Variants in SRPRB observed in about 807,000 individuals in gnomAD.
The protein encoded by SRPRB is SRP receptor subunit beta.
In SRPRB, 20 loss-of-function variants were observed where a neutral mutation model predicts 31.9. That is an observed-to-expected ratio of 0.63 (90% CI 0.44 to 0.91). SRPRB has a LOEUF of 0.91. SRPRB is among the 40% of genes least tolerant of loss of function. The probability of loss-of-function intolerance (pLI) is 0.00; values close to 1 mark genes in which losing one functional copy is unlikely to be tolerated. For synonymous variants in SRPRB, 146 were observed against 132.8 expected (o/e 1.10, Z -0.68); for missense variants, 321 against 324.9 (o/e 0.99, Z 0.09).
downstream of SRPRB, chr3:133,825,968 T>TAACA (rs1184995367): frequency 2.0e-5 from 3 of 152,228 alleles, no homozygotes; most frequent in African/African-American, 7.2e-5. Flanking sequence ...CAAGAGCACC[T>TAACA]AACAGTTTAT....
chr3:133,818,582 AC>A lies in SRPRB; in HGVS notation c.603-970del, dbSNP rs796510520. On this transcript the variant is annotated intron_variant, in intron 6 of 6. Coordinates refer to ENST00000678299, the MANE Select transcript of SRPRB (RefSeq NM_001379313.1). Reference sequence around the variant, plus strand: ...GTGGCAAAAGCTGAATACATGTTTTACTTTTTTCCTTAAAAAATTTTTATTG... The same window carrying A: ...GTGGCAAAAGCTGAATACATGTTTTATTTTTTCCTTAAAAAATTTTTATTG... Among the ~76,000 whole-genome samples, 9 of 93,634 alleles carry A rather than the reference AC, an allele frequency of 9.6e-5. No homozygotes were observed. The South Asian group carries it at 2.7e-3, about 28-fold the overall frequency. 61.4% of individuals were successfully genotyped at this position (93,634 alleles called of 152,430 possible).
chr3:133,800,361 G>C (rs1935043408), intron 1 of SRPRB, among the ~76,000 whole-genome samples: 2 of 152,230 alleles, frequency 1.3e-5, no homozygotes, highest in Non-Finnish European at 2.9e-5. Flanking sequence ...CAAAGTATCA[G>C]AGCTGAATAA....
At chr3:133,817,611 T>C (rs968771586) in intron 6 of SRPRB, among the ~76,000 whole-genome samples, 1 of 152,226 alleles carries the variant, frequency 6.6e-6, no homozygotes, top group African/African-American at 2.4e-5. Context: ...AAAGCTGGTG[T>C]AGAAGAAATG....
At chr3:133,793,291 C>T (rs1198957000) in intron 1 of SRPRB, 1 of 152,064 alleles carries the variant, frequency 6.6e-6, no homozygotes, top group Non-Finnish European at 1.5e-5. Flanking sequence ...AAATGAATGA[C>T]TATGGTAACC....
chr3:133,825,475 G>C (rs1442539729), downstream of SRPRB: 1 of 152,226 alleles, frequency 6.6e-6, no homozygotes, highest in Non-Finnish European at 1.5e-5. Flanking sequence ...AGAGAGCAGC[G>C]ATAGATAGCA....
chr3:133,795,328 T>C (rs1353199153), intron 1 of SRPRB: 1 of 152,180 alleles, frequency 6.6e-6, no homozygotes, highest in Non-Finnish European at 1.5e-5. Flanking sequence ...GTCTCCCTGG[T>C]GTGCTGTATT....
upstream of SRPRB, among the ~76,000 whole-genome samples, chr3:133,802,264 C>T (rs1935073868): frequency 6.6e-6 from 1 of 151,968 alleles, no homozygotes; most frequent in Non-Finnish European, 1.5e-5. Flanking sequence ...AAAAAAACTA[C>T]CTGGGCATGG....
At chr3:133,788,447 TCA>T (rs2107949222) in intron 1 of SRPRB, 1 of 152,372 alleles carries the variant, frequency 6.6e-6, no homozygotes, top group East Asian at 1.9e-4. Flanking sequence ...GAGCGTACTT[TCA>T]TTTCATAAAT....
rs764758859 is a variant in SRPRB, at chr3:133,807,756, G to A, written c.260G>A (p.Gly87Asp). The A allele has an allele frequency of 6.2e-7, 1 of 1,611,628 alleles. No individual in the cohort carries two copies. Among genetic ancestry groups the A allele is most frequent in the African/African-American group, 1.3e-5 (1 of 74,772 alleles). ...TTGTTTTTTTTACAGTTGTTAACAG[G>A]CCTTTATAGAGACACTCAGACGTCC... Reference protein sequence around the residue: ...KTLLFVRLLTGLYRDTQTSIT... With the variant: ...KTLLFVRLLTDLYRDTQTSIT... Residue 87 changes from glycine (G) to aspartate (D), a missense_variant, in exon 3 of 7, where the codon GGC becomes GAC. Physicochemically the swap from Gly to Asp is moderately conservative, Grantham distance 94 (BLOSUM62 -1). Transcript: ENST00000678299.
intron 1 of SRPRB, 41 bp from the exon 2 acceptor site, chr3:133,806,568 C>T: frequency 2.6e-6 from 4 of 1,543,144 alleles, no homozygotes; most frequent in Non-Finnish European, 3.6e-6. Context: ...TACTGATTCC[C>T]AAGGCGTAAT....
chr3:133,786,194 C>A (rs1934676384), intron 1 of SRPRB: 1 of 40,254 alleles, frequency 2.5e-5, no homozygotes, highest in African/African-American at 7.8e-5. Context: ...GTGAGAAACA[C>A]CCAAGAATTA....
chr3:133,798,227 C>G (rs1300608749), intron 1 of SRPRB, among the ~76,000 whole-genome samples: 1 of 152,146 alleles, frequency 6.6e-6, no homozygotes, highest in Non-Finnish European at 1.5e-5. Flanking sequence ...TATATCAGGA[C>G]TTGCTCATTA....
intron 4 of SRPRB, 30 bp from the exon 5 acceptor site, chr3:133,815,560 A>T (rs1345520964): frequency 6.2e-6 from 10 of 1,611,808 alleles, no homozygotes; most frequent in Non-Finnish European, 6.8e-6. Context: ...ACACGTTCAC[A>T]TGCCAGTTTT....
chr3:133,818,482 G>A (rs918445304), intron 6 of SRPRB, among the ~76,000 whole-genome samples: 49 of 152,158 alleles, frequency 3.2e-4, no homozygotes, highest in African/African-American at 1.1e-3. Flanking sequence ...TCAGATTTAT[G>A]AGAATTAGGC....
At chr3:133,789,114 A>C (rs1481235527) in intron 1 of SRPRB, 2 of 152,410 alleles carry the variant, frequency 1.3e-5, no homozygotes, top group African/African-American at 4.8e-5. Context: ...GGGATTCCCC[A>C]GGGGATCCTC....
chr3:133,795,937 C>T (rs58728934), intron 1 of SRPRB: 6,690 of 152,138 alleles, frequency 0.044, 471 homozygotes, highest in African/African-American at 0.15. Context: ...TGAGCCCATG[C>T]GCCAGGCCCC....
chr3:133,818,784 C>CTGTGTG (rs1559893592), intron 6 of SRPRB, among the ~76,000 whole-genome samples: 1 of 85,108 alleles, frequency 1.2e-5, no homozygotes, highest in Non-Finnish European at 2.4e-5. Flanking sequence ...AATACTTTTA[C>CTGTGTG]AGTGTGTGTG....
At chr3:133,817,074 A>G (rs111380160) in intron 6 of SRPRB, 142 bp downstream of exon 6, 14 of 594,198 alleles carry the variant, frequency 2.4e-5, no homozygotes, top group African/African-American at 2.3e-4. Flanking sequence ...TTTGTTAAAT[A>G]ATTTACAAAA....
upstream of SRPRB, among the ~76,000 whole-genome samples, chr3:133,805,129 C>T (rs12490148): frequency 0.29 from 44,682 of 152,090 alleles, 7,232 homozygotes; most frequent in East Asian, 0.46. Flanking sequence ...AGAAATACCT[C>T]CTGCAGTTTT....
Sources: gnomAD v4.1 joint callset for allele counts (sites outside exome capture counted in the v4.1 genomes callset) on GRCh38, gnomAD v4.1.1 for gene constraint, MANE v1.5 for transcripts, NCBI Gene and HGNC (gene_info 2026-07-23, HGNC 2026-07-21) for gene names.